Variants in CSMD1 observed in about 807,000 individuals in gnomAD.
CSMD1 encodes CUB and sushi domain-containing protein 1.
CSMD1 carries 213 observed loss-of-function variants against 417.5 expected under a neutral mutation model. That is an observed-to-expected ratio of 0.51 (90% confidence interval 0.46 to 0.57). The LOEUF (loss-of-function observed/expected upper bound fraction) is 0.57. CSMD1 is among the 20% of genes least tolerant of loss of function. CSMD1 has a pLI of 0.00. For missense variants in CSMD1, 6,923 were observed against 4,529.7 expected, an observed-to-expected ratio of 1.53 and a Z score of -15.17; for synonymous variants, 2,862 against 1,736.8, an observed-to-expected ratio of 1.65 and a Z score of -16.11.
intron 5 of CSMD1, among the ~76,000 whole-genome samples, chr8:3,814,663 A>G (rs1011991288): frequency 6.6e-6 from 1 of 152,196 alleles, no homozygotes; most frequent in East Asian, 1.9e-4. Context: ...TCAAATGTGA[A>G]TAGTGCTGAG....
chr8:3,321,733 C>G (rs1038226763), intron 23 of CSMD1, among the ~76,000 whole-genome samples: 2 of 152,084 alleles, frequency 1.3e-5, no homozygotes, highest in Non-Finnish European at 2.9e-5. Flanking sequence ...TAGTAAGCTT[C>G]TAGTGATTTC....
intron 1 of CSMD1, among the ~76,000 whole-genome samples, chr8:4,644,040 G>A (rs1007641523): frequency 6.6e-6 from 1 of 152,184 alleles, no homozygotes; most frequent in Non-Finnish European, 1.5e-5. Context: ...AAGAAGAAAA[G>A]TAAAAATGCC....
rs146745301 is a variant in CSMD1 at position 4,652,303 on chromosome 8, G to C, written c.86-14745C>G. Among the ~76,000 whole-genome samples, 281 of 152,284 alleles carry C rather than the reference G, an allele frequency of 1.8e-3. 1 individual carries two copies. Among genetic ancestry groups the C allele is most frequent in the African/African-American group, 6.5e-3 (270 of 41,564 alleles). On this transcript the variant is annotated intron_variant, in intron 1 of 69. Transcript: ENST00000635120. ...TCGAGACCAGGAATAACTGTGAAGA[G>C]ACATTTGACATTTCTCATTAGTCTA...
chr8:4,371,081 C>A (rs773968765), intron 3 of CSMD1, among the ~76,000 whole-genome samples: 1 of 152,130 alleles, frequency 6.6e-6, no homozygotes, highest in African/African-American at 2.4e-5. Context: ...AGTTACTGTT[C>A]TTTAGATGGG....
At chr8:4,052,693 A>G (rs1242875574) in intron 3 of CSMD1, among the ~76,000 whole-genome samples, 1 of 152,160 alleles carries the variant, frequency 6.6e-6, no homozygotes, top group East Asian at 1.9e-4. Context: ...TAAGGTGTAT[A>G]TATTTGCTAT....
Position 4,453,814 on chromosome 8 carries a change from CTTTTTTT to C in CSMD1, c.303-33756_303-33750del, listed in dbSNP as rs60422486. Reference sequence around the variant, plus strand: ...CCGAACAAGATTGCGCAATTCGTTTCTTTTTTTTTTTTTTTTTTTTTTTTTGAGACAG... The same window carrying C: ...CCGAACAAGATTGCGCAATTCGTTTCTTTTTTTTTTTTTTTTTTGAGACAG... On this transcript the variant is annotated intron_variant, in intron 2 of 69. Coordinates refer to ENST00000635120, the MANE Select transcript of CSMD1 (RefSeq NM_033225.6). Among the ~76,000 whole-genome samples, 672 of 67,732 alleles carry C rather than the reference CTTTTTTT, an allele frequency of 9.9e-3. 6 individuals are homozygous for C. Among genetic ancestry groups the C allele is most frequent in the African/African-American group, 0.035 (604 of 17,428 alleles). The allele number at this position is 67,732 out of a possible 152,430, so 44.4% of individuals were successfully genotyped here.
At chr8:3,760,430 C>G (rs78966352) in intron 5 of CSMD1, among the ~76,000 whole-genome samples, 1 of 152,196 alleles carries the variant, frequency 6.6e-6, no homozygotes, top group Non-Finnish European at 1.5e-5. Flanking sequence ...TTAAATAGAA[C>G]AGGCCAGTCT....
chr8:3,863,416 T>G (rs895623057), intron 5 of CSMD1, among the ~76,000 whole-genome samples: 51 of 134,884 alleles, frequency 3.8e-4, no homozygotes, highest in African/African-American at 1.4e-3. Flanking sequence ...AAAAAAAAAG[T>G]GCTAATACCA....
chr8:4,464,964 T>G (rs1048082153), intron 2 of CSMD1, among the ~76,000 whole-genome samples: 1 of 152,138 alleles, frequency 6.6e-6, no homozygotes, highest in African/African-American at 2.4e-5. Context: ...CTCCCACTCA[T>G]GATGCCACCA....
At chr8:4,385,298 T>A (rs547648577) in intron 3 of CSMD1, among the ~76,000 whole-genome samples, 2 of 152,214 alleles carry the variant, frequency 1.3e-5, no homozygotes, top group East Asian at 3.9e-4. Flanking sequence ...TCTGTTCATG[T>A]TAAACAATGA....
chr8:3,884,187 C>G (rs1355281611), intron 5 of CSMD1, among the ~76,000 whole-genome samples: 2 of 152,166 alleles, frequency 1.3e-5, no homozygotes, highest in Admixed American at 6.5e-5. Context: ...TTTAAATTCA[C>G]TTTTTAAATA....
At chr8:2,940,282 T>C (rs1173592435) in intron 69 of CSMD1, among the ~76,000 whole-genome samples, 4 of 152,134 alleles carry the variant, frequency 2.6e-5, no homozygotes, top group East Asian at 1.9e-4. Context: ...CTCGCTCCTA[T>C]GGCACAGAAG....
chr8:3,639,632 T>G (rs1361584316), intron 7 of CSMD1, among the ~76,000 whole-genome samples: 4 of 152,176 alleles, frequency 2.6e-5, no homozygotes, highest in Non-Finnish European at 4.4e-5. Context: ...AAATCCCAAT[T>G]CCCTCATTTG....
At chr8:3,927,316 A>G (rs1371464735) in intron 5 of CSMD1, among the ~76,000 whole-genome samples, 1 of 151,936 alleles carries the variant, frequency 6.6e-6, no homozygotes, top group Non-Finnish European at 1.5e-5. Flanking sequence ...AATTATTCTG[A>G]CTTTATAAGA....
intron 9 of CSMD1, among the ~76,000 whole-genome samples, chr8:3,584,828 G>A (rs535226036): frequency 7.2e-5 from 11 of 152,116 alleles, no homozygotes; most frequent in South Asian, 2.1e-4. Flanking sequence ...CATGTGACTC[G>A]TTCCTCCTGT....
At chr8:4,100,731 G>C (rs933517035) in intron 3 of CSMD1, among the ~76,000 whole-genome samples, 3 of 152,150 alleles carry the variant, frequency 2.0e-5, no homozygotes, top group African/African-American at 7.2e-5. Flanking sequence ...CCACACTGCT[G>C]TTCTAGGGAG....
intron 2 of CSMD1, among the ~76,000 whole-genome samples, chr8:4,521,916 G>C (rs866523155): frequency 6.6e-6 from 1 of 152,208 alleles, no homozygotes; most frequent in Non-Finnish European, 1.5e-5. Context: ...CACACCATGA[G>C]AAGATGTGTA....
chr8:3,722,154 C>A (rs1002128983), intron 6 of CSMD1, among the ~76,000 whole-genome samples: 1 of 151,988 alleles, frequency 6.6e-6, no homozygotes, highest in Non-Finnish European at 1.5e-5. Flanking sequence ...ACTAAGAATG[C>A]AAAAATTAGC....
intron 1 of CSMD1, among the ~76,000 whole-genome samples, chr8:4,646,110 T>C (rs1169379554): frequency 1.3e-5 from 2 of 152,210 alleles, no homozygotes; most frequent in Non-Finnish European, 2.9e-5. Flanking sequence ...ACTTCGAGCT[T>C]ATATTTCAAT....
Sources: gnomAD v4.1 joint callset for allele counts (sites outside exome capture counted in the v4.1 genomes callset) on GRCh38, gnomAD v4.1.1 for gene constraint, MANE v1.5 for transcripts, NCBI Gene and HGNC (gene_info 2026-07-23, HGNC 2026-07-21) for gene names.